TMEM135: variants seen among roughly 807,000 people sequenced by gnomAD.
TMEM135 encodes the protein transmembrane protein 135.
In TMEM135, 30 loss-of-function variants were observed where a neutral mutation model predicts 60.3. That is an observed-to-expected ratio of 0.50 (90% CI 0.37 to 0.68). The LOEUF (loss-of-function observed/expected upper bound fraction) is 0.68, where lower values mean the gene tolerates loss of function less well. Ranked by LOEUF, TMEM135 falls within the 30% of genes least tolerant of loss-of-function variation. The pLI is 0.00. For missense variants in TMEM135, 468 were observed against 548.8 expected (o/e 0.85, Z 1.47); for synonymous variants, 190 against 186.7 (o/e 1.02, Z -0.14).
At chr11:87,230,134 C>T (rs1001350454) in intron 5 of TMEM135, among the ~76,000 whole-genome samples, 2 of 152,058 alleles carry the variant, frequency 1.3e-5, no homozygotes, top group Non-Finnish European at 2.9e-5. Context: ...CCCCTTACTC[C>T]TCCAACTCTA....
At chr11:87,304,887 T>C (rs1942513277) in intron 8 of TMEM135, among the ~76,000 whole-genome samples, 1 of 152,218 alleles carries the variant, frequency 6.6e-6, no homozygotes, top group African/African-American at 2.4e-5. Context: ...ATGTTAGATA[T>C]TCTGCTTACT....
At chr11:87,313,029 T>C (rs527455387) in intron 10 of TMEM135, among the ~76,000 whole-genome samples, 1 of 151,994 alleles carries the variant, frequency 6.6e-6, no homozygotes, top group African/African-American at 2.4e-5. Context: ...AAAAAATCTT[T>C]GTTTCACCTT....
At chr11:87,255,911 A>G (rs1363496145) in intron 6 of TMEM135, among the ~76,000 whole-genome samples, 1 of 152,192 alleles carries the variant, frequency 6.6e-6, no homozygotes, top group Non-Finnish European at 1.5e-5. Context: ...TCTTCAATGT[A>G]GCTATAAGAC....
At chr11:87,182,685 A>G (rs141127902) in intron 5 of TMEM135, among the ~76,000 whole-genome samples, 7 of 152,240 alleles carry the variant, frequency 4.6e-5, no homozygotes, top group Non-Finnish European at 7.4e-5. Flanking sequence ...CCTTTATGAA[A>G]TATTTTTTTC....
chr11:87,274,838 TTATATATGTGTG>T (rs1941938845), intron 6 of TMEM135, among the ~76,000 whole-genome samples: 1 of 135,682 alleles, frequency 7.4e-6, no homozygotes. Flanking sequence ...GTTTATATAT[TTATATATGTGTG>T]TATATATATG....
At position 87,055,740 on chromosome 11, in the gene TMEM135, GC is replaced by G. The variant is rs1949888353; in HGVS notation, c.142-11952del. Among the ~76,000 whole-genome samples, 3 of 151,948 alleles carry G rather than the reference GC, an allele frequency of 2.0e-5. No homozygotes were observed. The South Asian group carries it at 6.2e-4, about 32-fold the overall frequency. ...TGTGTAGCTGGGACTACAAGTATGC[GC>G]CACCATGCTTGGCTAATTTTGTATT... is the stretch of plus-strand genomic sequence containing the variant. On this transcript the variant is annotated intron_variant, in intron 1 of 14. Coordinates refer to ENST00000305494, the MANE Select transcript of TMEM135 (RefSeq NM_022918.4).
chr11:87,303,961 A>G (rs1276208551), intron 8 of TMEM135, among the ~76,000 whole-genome samples: 1 of 152,244 alleles, frequency 6.6e-6, no homozygotes, highest in Non-Finnish European at 1.5e-5. Flanking sequence ...AGAATACTAC[A>G]GAAGCAAAGC....
chr11:87,143,783 C>T (rs1314074497), intron 4 of TMEM135, among the ~76,000 whole-genome samples: 2 of 152,108 alleles, frequency 1.3e-5, no homozygotes, highest in Non-Finnish European at 2.9e-5. Context: ...CCTTCTTAAA[C>T]TATAGTTGCT....
chr11:87,167,711 A>G (rs1242231331), intron 5 of TMEM135, among the ~76,000 whole-genome samples: 1 of 152,156 alleles, frequency 6.6e-6, no homozygotes, highest in Non-Finnish European at 1.5e-5. Context: ...TTGGTCTGCC[A>G]GTATTTTATT....
intron 4 of TMEM135, among the ~76,000 whole-genome samples, chr11:87,098,834 AC>A (rs1248845658): frequency 6.6e-6 from 1 of 151,790 alleles, no homozygotes; most frequent in Non-Finnish European, 1.5e-5. Context: ...GACTACAGGC[AC>A]CCACCACCAC....
chr11:87,135,715 G>C (rs1938078252), intron 4 of TMEM135, among the ~76,000 whole-genome samples: 1 of 149,258 alleles, frequency 6.7e-6, no homozygotes, highest in Admixed American at 6.6e-5. Flanking sequence ...GTTTTTGACT[G>C]TTGTAGGTCC....
intron 4 of TMEM135, among the ~76,000 whole-genome samples, chr11:87,131,769 C>G (rs1937937474): frequency 6.6e-6 from 1 of 152,088 alleles, no homozygotes; most frequent in Non-Finnish European, 1.5e-5. Flanking sequence ...CCCAGCAATA[C>G]TGGTCCGTGG....
At chr11:87,224,517 G>T (rs1372248301) in intron 5 of TMEM135, among the ~76,000 whole-genome samples, 2 of 152,120 alleles carry the variant, frequency 1.3e-5, no homozygotes, top group East Asian at 1.9e-4. Context: ...AATGTCTCAG[G>T]AGGAAAAACA....
intron 5 of TMEM135, among the ~76,000 whole-genome samples, chr11:87,158,241 T>G (rs549143500): frequency 6.6e-6 from 1 of 152,150 alleles, no homozygotes; most frequent in African/African-American, 2.4e-5. Flanking sequence ...AATTCCCTAT[T>G]CTTGAATTAA....
intron 5 of TMEM135, among the ~76,000 whole-genome samples, chr11:87,232,911 G>A (rs1940918981): frequency 6.6e-6 from 1 of 152,152 alleles, no homozygotes; most frequent in Admixed American, 6.6e-5. Flanking sequence ...AGCACTTTCA[G>A]AGGCCAAGGT....
chr11:87,038,974 C>A (rs1010121967), intron 1 of TMEM135, among the ~76,000 whole-genome samples: 1 of 152,046 alleles, frequency 6.6e-6, no homozygotes, highest in African/African-American at 2.4e-5. Context: ...ATAATCTTAT[C>A]CTTGATATTA....
intron 5 of TMEM135, among the ~76,000 whole-genome samples, chr11:87,234,646 A>T (rs1324183536): frequency 6.6e-6 from 1 of 152,008 alleles, no homozygotes; most frequent in South Asian, 2.1e-4. Flanking sequence ...CTTCTAAATA[A>T]TTCGAAGTAT....
chr11:87,301,593 A>T (rs1214318934), intron 7 of TMEM135, among the ~76,000 whole-genome samples: 1 of 152,002 alleles, frequency 6.6e-6, no homozygotes, highest in Non-Finnish European at 1.5e-5. Flanking sequence ...ATCCCGTTCT[A>T]TCTGTATTTT....
At chr11:87,051,160 G>C (rs1327093342) in intron 1 of TMEM135, among the ~76,000 whole-genome samples, 1 of 50,068 alleles carries the variant, frequency 2.0e-5, no homozygotes, top group African/African-American at 1.7e-4. Flanking sequence ...TTGATGGGAC[G>C]TATTTCAAAA....
Sources: gnomAD v4.1 joint callset for allele counts (sites outside exome capture counted in the v4.1 genomes callset) on GRCh38, gnomAD v4.1.1 for gene constraint, MANE v1.5 for transcripts, NCBI Gene and HGNC (gene_info 2026-07-23, HGNC 2026-07-21) for gene names.